HDDC2: variants seen among roughly 807,000 people sequenced by gnomAD.
The protein encoded by HDDC2 is 5'-deoxynucleotidase HDDC2.
A neutral mutation model predicts 25.5 loss-of-function variants in HDDC2; 25 were observed. The ratio of observed to expected loss-of-function variants is 0.98; its 90% CI spans 0.72 to 1.37. The LOEUF is 1.37. Ranked by LOEUF, HDDC2 falls within the 40% of genes most tolerant of loss-of-function variation. The pLI, the probability that HDDC2 is intolerant of heterozygous loss-of-function variation, is 0.00. For missense variants in HDDC2, 264 were observed against 253.1 expected (o/e 1.04, Z -0.29); for synonymous variants, 106 against 89.7 (o/e 1.18, Z -1.03).
In HDDC2 at chr6:125,292,951, T is replaced by G. The variant is rs766453623; in HGVS notation, c.310-42A>C. The G allele has an allele frequency of 2.7e-6, 4 of 1,479,294 alleles. No homozygotes were observed. In the East Asian group the frequency reaches 9.0e-5, roughly 33 times the overall value. The allele number at this position is 1,479,294 out of a possible 1,614,324, so 91.6% of individuals were successfully genotyped here. ...TTATCTTTAATTATATTGACATTTA[T>G]CACAGTTAACAACCACTCTGCAACA... On this transcript the variant is annotated intron_variant, in intron 3 of 5. Transcript: ENST00000398153.
intron 4 of HDDC2, among the ~76,000 whole-genome samples, chr6:125,291,674 T>C (rs1798633255): frequency 6.6e-6 from 1 of 152,202 alleles, no homozygotes; most frequent in Non-Finnish European, 1.5e-5. Context: ...GATTCTCATT[T>C]TCTAGAGGAG....
At chr6:125,278,254 T>C (rs952672018) in intron 4 of HDDC2, 29 of 152,362 alleles carry the variant, frequency 1.9e-4, no homozygotes, top group African/African-American at 6.7e-4. Flanking sequence ...CAAATACACT[T>C]TGCTTTATCT....
chr6:125,276,282 T>A, intron 5 of HDDC2, 39 bp from the exon 6 acceptor site: 1 of 1,445,250 alleles, frequency 6.9e-7, no homozygotes, highest in Non-Finnish European at 9.7e-7. Context: ...CATTCCCATA[T>A]TGACAAGAGA....
rs548811850 is a variant in HDDC2 at position 125,282,239 on chromosome 6, G to A, written c.379-4999C>T. Among the ~76,000 whole-genome samples the A allele has an allele frequency of 9.2e-5, 14 of 151,892 alleles. No individual in the cohort carries two copies. The East Asian group carries it at 2.3e-3, about 25-fold the overall frequency. ...CGGGCGCCTATAGTCTCAGCTACTC[G>A]GGAGGTTGAGGCAGGAGAATTGCTG... On this transcript the variant is annotated intron_variant, in intron 4 of 5. Transcript: ENST00000398153.
chr6:125,294,516 A>G (rs1188576691), intron 3 of HDDC2, among the ~76,000 whole-genome samples: 2 of 152,200 alleles, frequency 1.3e-5, no homozygotes, highest in East Asian at 3.8e-4. Flanking sequence ...AAAATACTTT[A>G]TATTTTCACA....
chr6:125,287,045 T>C (rs1798548284), intron 4 of HDDC2, among the ~76,000 whole-genome samples: 1 of 152,138 alleles, frequency 6.6e-6, no homozygotes, highest in Non-Finnish European at 1.5e-5. Context: ...TGCCAATCTG[T>C]ATAAAATAAG....
intron 4 of HDDC2, among the ~76,000 whole-genome samples, chr6:125,292,018 G>A (rs1047098686): frequency 2.6e-5 from 4 of 152,114 alleles, no homozygotes; most frequent in Admixed American, 2.6e-4. Flanking sequence ...AAGCAGGAAG[G>A]GGCCTGAGTA....
At chr6:125,292,945 C>T (rs749084926) in intron 3 of HDDC2, 36 bp from the exon 4 acceptor site, 99 of 1,503,916 alleles carry the variant, frequency 6.6e-5, no homozygotes, top group East Asian at 9.0e-5. Context: ...ATTATATTGA[C>T]ATTTATCACA....
At chr6:125,297,238 T>C (rs1412776476) in intron 3 of HDDC2, among the ~76,000 whole-genome samples, 1 of 152,234 alleles carries the variant, frequency 6.6e-6, no homozygotes, top group South Asian at 2.1e-4. Context: ...AATCTCGAAC[T>C]AATTGGTTTC....
At chr6:125,289,457 T>C (rs1343390605) in intron 4 of HDDC2, among the ~76,000 whole-genome samples, 2 of 134,440 alleles carry the variant, frequency 1.5e-5, no homozygotes, top group African/African-American at 6.0e-5. Flanking sequence ...AATGTGCACA[T>C]GTACCCTAAA....
chr6:125,285,023 A>C (rs1798510018), intron 4 of HDDC2, among the ~76,000 whole-genome samples: 2 of 152,190 alleles, frequency 1.3e-5, no homozygotes. Context: ...AGGGACATGG[A>C]TGAAGCTGGA....
intron 3 of HDDC2, 127 bp from the exon 4 acceptor site, chr6:125,293,036 T>C (rs1798655034): frequency 1.3e-6 from 1 of 757,938 alleles, no homozygotes; most frequent in African/African-American, 1.7e-5. Flanking sequence ...TAAATTGGCC[T>C]ATACTGGACA....
chr6:125,278,222 G>A (rs1798401993), intron 4 of HDDC2: 2 of 152,258 alleles, frequency 1.3e-5, no homozygotes, highest in South Asian at 4.1e-4. Flanking sequence ...AACTGTATGG[G>A]GGAATCATTT....
intron 4 of HDDC2, among the ~76,000 whole-genome samples, chr6:125,286,003 A>C (rs983998549): frequency 2.6e-5 from 4 of 152,216 alleles, no homozygotes; most frequent in Admixed American, 2.0e-4. Context: ...TTCCATTTTG[A>C]TATAAATAAT....
intron 3 of HDDC2, among the ~76,000 whole-genome samples, chr6:125,295,126 A>G (rs1433462073): frequency 6.6e-6 from 1 of 152,156 alleles, no homozygotes; most frequent in Non-Finnish European, 1.5e-5. Flanking sequence ...TACACAGCTG[A>G]GTATGCCAGC....
At chr6:125,289,184 A>G (rs1798590435) in intron 4 of HDDC2, among the ~76,000 whole-genome samples, 1 of 134,698 alleles carries the variant, frequency 7.4e-6, no homozygotes, top group Non-Finnish European at 1.6e-5. Flanking sequence ...CTTTGTAGGG[A>G]CATGGATGAA....
Position 125,301,442 on chromosome 6 carries a change from T to TACACACACACACACACACACAC in HDDC2, c.84+385_84+406dup, listed in dbSNP as rs3039619. The stretch of plus-strand genomic sequence containing the variant: ...CCCGTGCTCAGAAGCAGCCGCGCTT[T>TACACACACACACACACACACAC]ACACACACACACACACACACACGAG... On this transcript the variant is annotated intron_variant, in intron 1 of 5. Transcript: ENST00000398153. Among the ~76,000 whole-genome samples, 361 of 145,160 alleles carry TACACACACACACACACACACAC rather than the reference T, an allele frequency of 2.5e-3. 3 individuals are homozygous for TACACACACACACACACACACAC. Among genetic ancestry groups the TACACACACACACACACACACAC allele is most frequent in the Admixed American group, 0.01 (149 of 14,812 alleles).
rs753922202 is a variant in HDDC2, at chr6:125,301,906, G to A, written c.27C>T (p.Phe9=). ...GTAGGGACCGAGCCCCGTGGCCCGAGAAGGTCGCAGAGGAGACCGAAGCCA... is the reference window on the plus strand; with the variant it reads ...GTAGGGACCGAGCCCCGTGGCCCGAAAAGGTCGCAGAGGAGACCGAAGCCA... MASVSSAT[F]SGHGARSLLQ... is the part of the protein sequence containing the mutation. Residue 9 remains phenylalanine, a synonymous_variant, in exon 1 of 6, where the codon TTC becomes TTT. Transcript: ENST00000398153. 2.6e-6 allele frequency: 4 copies of A among 1,552,002 alleles called. No individual in the cohort carries two copies. Among genetic ancestry groups the A allele is most frequent in the East Asian group, 4.8e-5 (2 of 41,556 alleles).
At chr6:125,297,161 C>G (rs1441049547) in intron 3 of HDDC2, among the ~76,000 whole-genome samples, 1 of 152,148 alleles carries the variant, frequency 6.6e-6, no homozygotes, top group East Asian at 1.9e-4. Flanking sequence ...CCCTTCCTTT[C>G]CCTCTGTGTT....
Sources: allele counts gnomAD v4.1 joint callset (sites outside exome capture counted in the v4.1 genomes callset), GRCh38; gene constraint gnomAD v4.1.1; transcripts MANE v1.5; gene names NCBI Gene and HGNC (gene_info 2026-07-23, HGNC 2026-07-21).